Variants in DSC1 observed in about 807,000 individuals in gnomAD.
DSC1 encodes desmocollin-1.
Under a neutral mutation model 98.8 loss-of-function variants are expected in DSC1, and 79 were observed. That is an observed-to-expected ratio of 0.80 (90% CI 0.67 to 0.96). DSC1 has a LOEUF of 0.96. DSC1 is among the 50% of genes least tolerant of loss of function. The probability of loss-of-function intolerance (pLI) is 0.00; values close to 1 mark genes in which losing one functional copy is unlikely to be tolerated. For missense variants in DSC1, 1,115 were observed against 1,075.9 expected, an observed-to-expected ratio of 1.04 and a Z score of -0.51; for synonymous variants, 405 against 372.1, an observed-to-expected ratio of 1.09 and a Z score of -1.02.
chr18:31,154,624 G>A lies in DSC1; in HGVS notation c.627+150C>T. ...TCCACTGTTTTTCCCCATCAATGGT[G>A]AATAGAAATTTAAAGTTTATATTGC... On this transcript the variant is annotated intron_variant, in intron 5 of 15. Transcript: ENST00000257198. 3 of 718,418 alleles carry A rather than the reference G, an allele frequency of 4.2e-6. No individual in the cohort carries two copies. In the East Asian group the frequency reaches 9.3e-5, roughly 22 times the overall value. 44.5% of individuals were successfully genotyped at this position (718,418 alleles called of 1,614,324 possible). A position where few individuals can be genotyped will look rare whatever the true frequency, so the allele number is the denominator to read the frequency against.
intron 12 of DSC1, 35 bp from the exon 13 acceptor site, chr18:31,134,165 G>C: frequency 6.3e-7 from 1 of 1,590,462 alleles, no homozygotes; most frequent in South Asian, 1.1e-5. Flanking sequence ...ATATGGATTG[G>C]CTGTTTAGAT....
chr18:31,158,050 CA>C (rs1989135835), intron 2 of DSC1, among the ~76,000 whole-genome samples: 1 of 152,122 alleles, frequency 6.6e-6, no homozygotes, highest in Admixed American at 6.6e-5. Flanking sequence ...GGGAGGATCA[CA>C]AGGTCGGGAG....
chr18:31,162,655 G>C lies in DSC1; in HGVS notation c.-61C>G, dbSNP rs1021437392. ...ATAACAGGGCAGCCTGGGATGCACA[G>C]AGCGGCTAAGAAGACGCTGGCACTT... On this transcript the variant is annotated 5_prime_UTR_variant, in exon 1 of 16. Transcript: ENST00000257198. 1.3e-6 allele frequency: 2 copies of C among 1,499,682 alleles called. No individual in the cohort carries two copies. Among genetic ancestry groups the C allele is most frequent in the African/African-American group, 2.8e-5 (2 of 72,666 alleles). 92.9% of individuals were successfully genotyped at this position (1,499,682 alleles called of 1,614,324 possible).
intron 11 of DSC1, among the ~76,000 whole-genome samples, chr18:31,138,499 G>C (rs1358792211): frequency 6.6e-6 from 1 of 151,684 alleles, no homozygotes; most frequent in African/African-American, 2.4e-5. Flanking sequence ...CTAATACTTA[G>C]AACTTAATAG....
intron 7 of DSC1, 120 bp from the exon 8 acceptor site, chr18:31,143,911 T>C: frequency 5.6e-6 from 4 of 712,658 alleles, no homozygotes; most frequent in Non-Finnish European, 7.8e-6. Flanking sequence ...TTTTCTTTTA[T>C]ATATTTATTT....
chr18:31,136,228 A>G (rs1988605506), intron 11 of DSC1, among the ~76,000 whole-genome samples: 1 of 152,102 alleles, frequency 6.6e-6, no homozygotes, highest in Admixed American at 6.6e-5. Context: ...AAAATCAGCA[A>G]ACTAAGAAAT....
intron 13 of DSC1, among the ~76,000 whole-genome samples, chr18:31,133,243 G>A (rs1212828694): frequency 6.6e-6 from 1 of 151,792 alleles, no homozygotes; most frequent in Non-Finnish European, 1.5e-5. Flanking sequence ...AAAAAGAAAA[G>A]GAAAAGAAGA....
At chr18:31,154,691 T>C (rs1369495743) in intron 5 of DSC1, 83 bp downstream of exon 5, 3 of 1,188,678 alleles carry the variant, frequency 2.5e-6, no homozygotes, top group East Asian at 2.7e-5. Flanking sequence ...TTGATTCTTA[T>C]AATATGTAAA....
At chr18:31,143,890 T>A in intron 7 of DSC1, 99 bp from the exon 8 acceptor site, 1 of 860,892 alleles carries the variant, frequency 1.2e-6, no homozygotes, top group Admixed American at 4.0e-5. Flanking sequence ...GTACAAATAT[T>A]CTTTTTTACT....
intron 7 of DSC1, among the ~76,000 whole-genome samples, chr18:31,144,286 G>T (rs1207869518): frequency 6.6e-6 from 1 of 152,154 alleles, no homozygotes; most frequent in African/African-American, 2.4e-5. Context: ...TGGTACAATG[G>T]AAAGGTGATG....
At chr18:31,149,791 G>T (rs17727175) in intron 5 of DSC1, among the ~76,000 whole-genome samples, 33,771 of 151,974 alleles carry the variant, frequency 0.22, 4,292 homozygotes, top group East Asian at 0.56. Context: ...AGGAAAGAAT[G>T]TACACTCCAA....
At position 31,159,548 on chromosome 18, in the gene DSC1, A is replaced by AG; in HGVS notation, c.64-20_64-19insC. 7.8e-7 allele frequency: 1 copy of AG among 1,287,000 alleles called. No individual in the cohort carries two copies. The highest frequency in any genetic ancestry group is 1.1e-6 in the Non-Finnish European group (1 of 913,048). 79.7% of individuals were successfully genotyped at this position (1,287,000 alleles called of 1,614,324 possible). A position where few individuals can be genotyped will look rare whatever the true frequency, so the allele number is the denominator to read the frequency against. ...TTAAAACCTCAAAAAAAAAAAAAGAAAAAATATCAGGAATTAAATTTGATC... is the reference window on the plus strand; with the variant it reads ...TTAAAACCTCAAAAAAAAAAAAAGAAGAAAATATCAGGAATTAAATTTGATC... On this transcript the variant is annotated intron_variant, in intron 1 of 15. Coordinates refer to ENST00000257198, the MANE Select transcript of DSC1 (RefSeq NM_024421.2).
At chr18:31,142,563 T>C (rs773031674) in intron 8 of DSC1, among the ~76,000 whole-genome samples, 2 of 152,186 alleles carry the variant, frequency 1.3e-5, no homozygotes, top group Non-Finnish European at 2.9e-5. Flanking sequence ...TCAGTACTTG[T>C]AGGTAATTAT....
At position 31,131,651 on chromosome 18, in the gene DSC1, A is replaced by G; in HGVS notation, c.2430T>C (p.Asp810=). 5 of 1,614,068 alleles carry G rather than the reference A, an allele frequency of 3.1e-6. No homozygotes were observed. Among genetic ancestry groups the G allele is most frequent in the Non-Finnish European group, 4.2e-6 (5 of 1,179,978 alleles). ...AGTCCGTGTACGCATATCTGCCAGTATCTCCCTGCCCCACTCCCTTGACGG... is the reference window on the plus strand; with the variant it reads ...AGTCCGTGTACGCATATCTGCCAGTGTCTCCCTGCCCCACTCCCTTGACGG... ...LESVKGVGQG[D]TGRYAYTDWQ... is the part of the protein sequence containing the mutation. The change falls in exon 15 of 16, where the codon GAT becomes GAC. Residue 810 remains aspartate (D), a synonymous_variant. Transcript: ENST00000257198.
rs1989230998 is a variant in DSC1 at position 31,162,590 on chromosome 18, G to A, written c.5C>T (p.Ala2Val). 2 of 1,614,146 alleles carry A rather than the reference G, an allele frequency of 1.2e-6. No individual in the cohort carries two copies. The highest frequency in any genetic ancestry group is 1.7e-6 in the Non-Finnish European group (2 of 1,180,022). ...GCTCCCTGGGGCAGCAGAGGCCAGA[G>A]CCATCAGAAGCAGTCCCAATGGCCA... MALASAAPGSIF... is the reference protein window; with the variant it reads MVLASAAPGSIF... The change falls in exon 1 of 16, where the codon GCT becomes GTT. Residue 2 changes from alanine (A) to valine (V), a missense_variant. Coordinates refer to ENST00000257198, the MANE Select transcript of DSC1 (RefSeq NM_024421.2).
At chr18:31,140,426 A>AC in intron 9 of DSC1, 125 bp from the exon 10 acceptor site, 1 of 971,718 alleles carries the variant, frequency 1.0e-6, no homozygotes, top group Non-Finnish European at 1.4e-6. Flanking sequence ...TAGGTCTAAT[A>AC]CAGTTAAAGA....
Position 31,137,964 on chromosome 18 carries a change from A to AATGT in DSC1, c.1663+1780_1663+1783dup, listed in dbSNP as rs1480320543. 3.7e-3 allele frequency among the ~76,000 whole-genome samples: 450 copies of AATGT among 121,660 alleles called. 5 individuals carry two copies. The highest frequency in any genetic ancestry group is 0.014 in the African/African-American group (427 of 31,578). The allele number at this position is 121,660 out of a possible 152,430, so 79.8% of individuals were successfully genotyped here. Reference sequence around the variant, plus strand: ...GGAATAATCATGAGCATCAGAGCAAAATGTGTGTGTGTGTGTGTGTGTGTG... The same window carrying AATGT: ...GGAATAATCATGAGCATCAGAGCAAAATGTATGTGTGTGTGTGTGTGTGTGTGTG... On this transcript the variant is annotated intron_variant, in intron 11 of 15. Transcript: ENST00000257198.
In DSC1 at chr18:31,143,648, T is replaced by A; in HGVS notation, c.1074+9A>T. 1.3e-6 allele frequency: 2 copies of A among 1,567,094 alleles called. No individual in the cohort carries two copies. The highest frequency in any genetic ancestry group is 1.7e-6 in the Non-Finnish European group (2 of 1,157,508). The stretch of plus-strand genomic sequence containing the variant: ...AAATCTAGATGAATGAATAGAGAGG[T>A]ATACTCACAGAAGTTTCTGTGAAAG... On this transcript the variant is annotated intron_variant, in intron 8 of 15. Transcript: ENST00000257198.
Position 31,145,771 on chromosome 18 carries a change from G to A in DSC1, c.779C>T (p.Ser260Leu), listed in dbSNP as rs1272021090. The A allele has an allele frequency of 8.7e-6, 14 of 1,612,918 alleles. No individual in the cohort carries two copies. Among genetic ancestry groups the A allele is most frequent in the East Asian group, 2.2e-5 (1 of 44,844 alleles). Residue 260 changes from serine (S) to leucine (L), a missense_variant, in exon 7 of 16, where the codon TCA becomes TTA. Physicochemically the swap from Ser to Leu is moderately radical, Grantham distance 145. Transcript: ENST00000257198. Reference sequence around the variant, plus strand: ...GTCTGTGGCGGTCACTTTTCCCACTGAAGTTCCTGTTTAGATAAATCCAAA... The same window carrying A: ...GTCTGTGGCGGTCACTTTTCCCACTAAAGTTCCTGTTTAGATAAATCCAAA... ...TVPENCRSGT[S>L]VGKVTATDLD...
Sources: gnomAD v4.1 joint callset for allele counts (sites outside exome capture counted in the v4.1 genomes callset) on GRCh38, gnomAD v4.1.1 for gene constraint, MANE v1.5 for transcripts, NCBI Gene and HGNC (gene_info 2026-07-23, HGNC 2026-07-21) for gene names.